The following FAT3 variants were observed in gnomAD, a reference collection of about 807,000 sequenced individuals.
The protein encoded by FAT3 is FAT atypical cadherin 3, also known as protocadherin Fat 3.
In FAT3, 95 loss-of-function variants were observed where a neutral mutation model predicts 310.2. The ratio of observed to expected loss-of-function variants is 0.31; its 90% confidence interval spans 0.26 to 0.36. The LOEUF is 0.36. FAT3 is among the 10% of genes least tolerant of loss of function. The probability of loss-of-function intolerance (pLI) is 1.00; values close to 1 mark genes in which losing one functional copy is unlikely to be tolerated. For missense variants in FAT3, 5,408 were observed against 5,715.6 expected (o/e 0.95, Z 1.74); for synonymous variants, 2,314 against 2,192.9 (o/e 1.06, Z -1.54).
intron 18 of FAT3, among the ~76,000 whole-genome samples, 167 bp from the exon 19 acceptor site, chr11:92,843,767 C>T (rs1458901658): frequency 2.0e-5 from 3 of 152,184 alleles, no homozygotes; most frequent in African/African-American, 7.2e-5. Context: ...GGTGATAAAT[C>T]ACTCCTCTTA....
intron 6 of FAT3, among the ~76,000 whole-genome samples, chr11:92,772,272 A>C (rs755708493): frequency 2.6e-5 from 4 of 152,186 alleles, no homozygotes; most frequent in Non-Finnish European, 4.4e-5. Context: ...CCTTCCATAC[A>C]GGACTTATGA....
At chr11:92,517,315 A>T (rs649922) in intron 2 of FAT3, among the ~76,000 whole-genome samples, 1 of 151,872 alleles carries the variant, frequency 6.6e-6, no homozygotes, top group Admixed American at 6.6e-5. Context: ...CAGAGGCCCC[A>T]GAAATAACCA....
rs761074125 is a variant in FAT3, at chr11:92,844,049, T to C, written c.10682T>C (p.Met3561Thr). 1.9e-6 allele frequency: 3 copies of C among 1,613,962 alleles called. No homozygotes were observed. In the Admixed American group the frequency reaches 5.0e-5, roughly 27 times the overall value. Residue 3561 changes from methionine (M) to threonine (T), a missense_variant, in exon 19 of 28, where the codon ATG (methionine) becomes ACG (threonine). Physicochemically the swap from Met to Thr is moderately conservative, Grantham distance 81 (BLOSUM62 -1). Coordinates refer to ENST00000525166, the MANE Select transcript of FAT3 (RefSeq NM_001367949.2). ...AIPLEIFIVTMEDDFPGGVIG... is the reference protein window; with the variant it reads ...AIPLEIFIVTTEDDFPGGVIG... ...CCCCTGGAAATTTTCATTGTCACCA[T>C]GGAGGATGACTTTCCTGGTGGGGTC... is the stretch of plus-strand genomic sequence containing the variant.
At chr11:92,397,168 A>G (rs996614823) in intron 2 of FAT3, among the ~76,000 whole-genome samples, 1 of 152,198 alleles carries the variant, frequency 6.6e-6, no homozygotes, top group Non-Finnish European at 1.5e-5. Context: ...TAGTGGGGCT[A>G]AAACTGTTAA....
chr11:92,809,781 C>A, intron 12 of FAT3, 62 bp from the exon 13 acceptor site: 2 of 1,299,294 alleles, frequency 1.5e-6, no homozygotes, highest in Non-Finnish European at 2.2e-6. Context: ...TGGTCCTCTG[C>A]TCTCCAAAGA....
chr11:92,691,029 G>T (rs113700207), intron 3 of FAT3, among the ~76,000 whole-genome samples: 1 of 152,276 alleles, frequency 6.6e-6, no homozygotes, highest in Admixed American at 6.5e-5. Flanking sequence ...AGCATGTATT[G>T]TTCCCGATTG....
intron 17 of FAT3, 145 bp downstream of exon 17, chr11:92,837,951 C>T: frequency 1.0e-6 from 1 of 994,162 alleles, no homozygotes; most frequent in Non-Finnish European, 1.5e-6. Flanking sequence ...GAACCTAGTT[C>T]TTCTACCACA....
chr11:92,340,550 C>A (rs1461890164), intron 1 of FAT3, among the ~76,000 whole-genome samples: 1 of 152,128 alleles, frequency 6.6e-6, no homozygotes, highest in Admixed American at 6.5e-5. Context: ...AAAAATGATA[C>A]CAGGATCCCA....
chr11:92,358,190 TTAAAAA>T (rs1948785148), intron 2 of FAT3, among the ~76,000 whole-genome samples: 1 of 151,786 alleles, frequency 6.6e-6, no homozygotes, highest in Admixed American at 6.6e-5. Flanking sequence ...AAAATAATAA[TTAAAAA>T]TAAAAATAAA....
chr11:92,842,076 G>A (rs531934565), intron 18 of FAT3, among the ~76,000 whole-genome samples: 5 of 152,210 alleles, frequency 3.3e-5, no homozygotes, highest in East Asian at 3.9e-4. Context: ...GGTATGCTCC[G>A]TGACTGCTTC....
intron 1 of FAT3, among the ~76,000 whole-genome samples, chr11:92,346,469 C>T (rs959945284): frequency 6.6e-6 from 1 of 152,156 alleles, no homozygotes; most frequent in African/African-American, 2.4e-5. Context: ...ACTCTGACCC[C>T]TGGCACAAGT....
intron 1 of FAT3, among the ~76,000 whole-genome samples, chr11:92,293,757 G>A (rs991501817): frequency 6.6e-6 from 1 of 151,590 alleles, no homozygotes; most frequent in Non-Finnish European, 1.5e-5. Context: ...CTGCAGGTAT[G>A]TTGATAGTAA....
chr11:92,801,688 C>A lies in FAT3; in HGVS notation c.8675C>A (p.Ser2892Tyr). ...DHETDPTFTF[S>Y]VVASDLGEAF... is the part of the protein sequence containing the mutation. ...GAGACAGACCCCACATTCACCTTCT[C>A]TGTGGTGGCCTCTGACCTTGGAGAG... The change falls in exon 10 of 28, where the codon TCT becomes TAT. Residue 2892 changes from serine to tyrosine, a missense_variant. Transcript: ENST00000525166. 2.5e-6 allele frequency: 4 copies of A among 1,613,970 alleles called. No individual in the cohort carries two copies. Among genetic ancestry groups the A allele is most frequent in the Non-Finnish European group, 3.4e-6 (4 of 1,179,862 alleles).
chr11:92,725,048 GA>G (rs968857842), intron 4 of FAT3, among the ~76,000 whole-genome samples: 7 of 149,440 alleles, frequency 4.7e-5, no homozygotes, highest in East Asian at 2.0e-4. Flanking sequence ...GACAAGAATG[GA>G]AAAAAAAACC....
chr11:92,876,540 C>A (rs1949540280), intron 22 of FAT3, among the ~76,000 whole-genome samples: 1 of 152,172 alleles, frequency 6.6e-6, no homozygotes, highest in Admixed American at 6.5e-5. Flanking sequence ...CTTTCCTTGG[C>A]TTTGCGTTTA....
At chr11:92,583,920 G>T (rs540053110) in intron 3 of FAT3, among the ~76,000 whole-genome samples, 5 of 152,116 alleles carry the variant, frequency 3.3e-5, no homozygotes, top group African/African-American at 1.2e-4. Flanking sequence ...GGGCATCTAG[G>T]TTAGACATCT....
intron 1 of FAT3, among the ~76,000 whole-genome samples, chr11:92,321,949 C>T (rs1358941535): frequency 6.6e-6 from 1 of 152,134 alleles, no homozygotes; most frequent in African/African-American, 2.4e-5. Context: ...GACTGAGGCT[C>T]AATGCCATGA....
Position 92,534,056 on chromosome 11 carries a change from G to C in FAT3, c.3607+9108G>C, listed in dbSNP as rs557748809. The stretch of plus-strand genomic sequence containing the variant: ...TTTATTACTTTCTTCTGTTCTGTGG[G>C]AAACAGTGAATTTTAATTGAAACCA... On this transcript the variant is annotated intron_variant, in intron 3 of 27. Coordinates refer to ENST00000525166, the MANE Select transcript of FAT3 (RefSeq NM_001367949.2). Among the ~76,000 whole-genome samples the C allele has an allele frequency of 7.2e-5, 11 of 152,240 alleles. No individual in the cohort carries two copies. In the East Asian group the frequency reaches 2.1e-3, roughly 29 times the overall value.
chr11:92,827,602 C>G (rs990481401), intron 13 of FAT3, among the ~76,000 whole-genome samples: 1 of 152,172 alleles, frequency 6.6e-6, no homozygotes, highest in Non-Finnish European at 1.5e-5. Flanking sequence ...CTTTTATGTA[C>G]AGTCCCACGT....
Sources: allele counts gnomAD v4.1 joint callset (sites outside exome capture counted in the v4.1 genomes callset), GRCh38; gene constraint gnomAD v4.1.1; transcripts MANE v1.5; gene names NCBI Gene and HGNC (gene_info 2026-07-23, HGNC 2026-07-21).